Variants in PTPRG observed in about 807,000 individuals in gnomAD.
PTPRG encodes receptor-type tyrosine-protein phosphatase gamma.
Under a neutral mutation model 165.3 loss-of-function variants are expected in PTPRG, and 102 were observed. That is an observed-to-expected ratio of 0.62 (90% CI 0.53 to 0.73). PTPRG has a LOEUF of 0.73. PTPRG is among the 30% of genes least tolerant of loss of function. PTPRG has a pLI of 0.00. For missense variants in PTPRG, 1,866 were observed against 1,861.4 expected, an observed-to-expected ratio of 1.00 and a Z score of -0.05; for synonymous variants, 675 against 669.5, an observed-to-expected ratio of 1.01 and a Z score of -0.13.
intron 1 of PTPRG, among the ~76,000 whole-genome samples, chr3:61,712,147 G>C (rs1437340810): frequency 6.6e-6 from 1 of 152,076 alleles, no homozygotes; most frequent in Admixed American, 6.6e-5. Context: ...GCCTGCCTTG[G>C]CCTCCCAAAG....
At chr3:61,771,362 T>A (rs2034203142) in intron 2 of PTPRG, 1 of 131,446 alleles carries the variant, frequency 7.6e-6, no homozygotes, top group Non-Finnish European at 1.6e-5. Context: ...GAGCTTTATC[T>A]TTTTGTCCTT....
At chr3:62,288,442 A>G (rs1702753106) in intron 28 of PTPRG, among the ~76,000 whole-genome samples, 3 of 152,182 alleles carry the variant, frequency 2.0e-5, no homozygotes, top group Admixed American at 2.0e-4. Flanking sequence ...TGGGAGGCCA[A>G]GGCGGGCAGA....
At chr3:61,566,906 T>G (rs780702081) in intron 1 of PTPRG, among the ~76,000 whole-genome samples, 4 of 152,256 alleles carry the variant, frequency 2.6e-5, no homozygotes, top group Admixed American at 6.5e-5. Flanking sequence ...AGGTTGAAGA[T>G]TGCAATATGC....
At chr3:61,904,855 A>G (rs2038600726) in intron 2 of PTPRG, among the ~76,000 whole-genome samples, 1 of 152,216 alleles carries the variant, frequency 6.6e-6, no homozygotes, top group African/African-American at 2.4e-5. Context: ...CCTAGTAAAG[A>G]AAATTGTTAA....
At chr3:61,966,009 A>G (rs33080) in intron 2 of PTPRG, among the ~76,000 whole-genome samples, 119,490 of 152,202 alleles carry the variant, frequency 0.79, 47,575 homozygotes, top group African/African-American at 0.93. Context: ...GCAAAAACAA[A>G]TCTATTCTAG....
rs539658407 is a variant in PTPRG at position 62,277,359 on chromosome 3, C to T, written c.3637-192C>T. On this transcript the variant is annotated intron_variant, in intron 25 of 29. Coordinates refer to ENST00000474889, the MANE Select transcript of PTPRG (RefSeq NM_002841.4). ...CAGGGTTAACTAGAAGTGAACTGCA[C>T]ATGGAGAGAAAATTGTCTGCACAGT... is the stretch of plus-strand genomic sequence containing the variant. 2.6e-5 allele frequency among the ~76,000 whole-genome samples: 4 copies of T among 152,238 alleles called. No homozygotes were observed. The South Asian group carries it at 6.2e-4, about 24-fold the overall frequency.
At chr3:61,759,199 T>G (rs1386879041) in intron 2 of PTPRG, among the ~76,000 whole-genome samples, 1 of 152,192 alleles carries the variant, frequency 6.6e-6, no homozygotes, top group East Asian at 1.9e-4. Flanking sequence ...CTGTCCTATG[T>G]TTCGTTTACT....
chr3:61,680,093 A>C (rs1703379098), intron 1 of PTPRG, among the ~76,000 whole-genome samples: 2 of 152,228 alleles, frequency 1.3e-5, no homozygotes, highest in Non-Finnish European at 2.9e-5. Flanking sequence ...CAGTTGGGCC[A>C]GAACAGAACA....
intron 5 of PTPRG, among the ~76,000 whole-genome samples, chr3:62,130,202 G>T (rs555178319): frequency 6.6e-6 from 1 of 152,268 alleles, no homozygotes; most frequent in Non-Finnish European, 1.5e-5. Flanking sequence ...GTGATGGCAG[G>T]CCAGTGAGTC....
chr3:61,813,203 T>G (rs1286625581), intron 2 of PTPRG, among the ~76,000 whole-genome samples: 1 of 151,640 alleles, frequency 6.6e-6, no homozygotes, highest in Admixed American at 6.6e-5. Context: ...AATGAAAATC[T>G]TTGTGGGTAT....
At chr3:61,581,822 C>T (rs1700302760) in intron 1 of PTPRG, among the ~76,000 whole-genome samples, 1 of 151,994 alleles carries the variant, frequency 6.6e-6, no homozygotes, top group African/African-American at 2.4e-5. Context: ...GTTGGCCAGG[C>T]TGGTCTCGAA....
chr3:61,932,945 A>AC (rs1025416075), intron 2 of PTPRG, among the ~76,000 whole-genome samples: 1 of 151,836 alleles, frequency 6.6e-6, no homozygotes, highest in South Asian at 2.1e-4. Context: ...AATGAATGAA[A>AC]CCCCCCACTT....
At chr3:62,282,973 C>T in intron 28 of PTPRG, 104 bp downstream of exon 28, 1 of 1,060,788 alleles carries the variant, frequency 9.4e-7, no homozygotes, top group Middle Eastern at 2.2e-4. Context: ...CTATCAACAA[C>T]CTCAGCTTGT....
At chr3:61,656,045 C>A (rs1447971590) in intron 1 of PTPRG, among the ~76,000 whole-genome samples, 2 of 150,776 alleles carry the variant, frequency 1.3e-5, no homozygotes, top group South Asian at 2.1e-4. Context: ...CAAGACCCCC[C>A]CCCCCCCGAC....
intron 2 of PTPRG, among the ~76,000 whole-genome samples, chr3:61,908,299 G>A (rs144956099): frequency 0.015 from 2,321 of 150,900 alleles, 32 homozygotes; most frequent in South Asian, 0.043. Context: ...GGTGGCGCAT[G>A]CCTGTAGTCC....
intron 2 of PTPRG, among the ~76,000 whole-genome samples, chr3:61,779,769 T>C (rs60495093): frequency 0.14 from 21,619 of 152,198 alleles, 1,984 homozygotes; most frequent in East Asian, 0.46. Flanking sequence ...CAAGCACTTA[T>C]ATTTTTATTT....
intron 1 of PTPRG, among the ~76,000 whole-genome samples, chr3:61,710,523 G>A (rs912518230): frequency 1.3e-5 from 2 of 152,088 alleles, no homozygotes; most frequent in African/African-American, 4.8e-5. Context: ...TGTCCAACCC[G>A]TGGCCCAGGG....
intron 2 of PTPRG, among the ~76,000 whole-genome samples, chr3:61,813,465 G>A (rs1360141883): frequency 6.7e-6 from 1 of 148,736 alleles, no homozygotes; most frequent in Non-Finnish European, 1.5e-5. Flanking sequence ...GCGTTGAGCT[G>A]AGATCGTGCC....
At chr3:61,845,020 TA>T in intron 2 of PTPRG, among the ~76,000 whole-genome samples, 2 of 152,356 alleles carry the variant, frequency 1.3e-5, no homozygotes, top group Admixed American at 6.5e-5. Context: ...ACATACGTGC[TA>T]AATATTCAGT....
Sources: gnomAD v4.1 joint callset for allele counts (sites outside exome capture counted in the v4.1 genomes callset) on GRCh38, gnomAD v4.1.1 for gene constraint, MANE v1.5 for transcripts, NCBI Gene and HGNC (gene_info 2026-07-23, HGNC 2026-07-21) for gene names.